APBB2: variants seen among roughly 807,000 people sequenced by gnomAD.
APBB2 encodes the protein amyloid beta precursor protein binding family B member 2, also known as Fe65-like 1.
A neutral mutation model predicts 82.5 loss-of-function variants in APBB2; 38 were observed. The ratio of observed to expected loss-of-function variants is 0.46; its 90% confidence interval spans 0.36 to 0.60. APBB2 has a LOEUF of 0.60. Ranked by LOEUF, APBB2 falls within the 20% of genes least tolerant of loss-of-function variation. APBB2 has a pLI of 0.00. For synonymous variants in APBB2, 341 were observed against 368.2 expected (o/e 0.93, Z 0.85); for missense variants, 772 against 972.3 (o/e 0.79, Z 2.74).
At chr4:40,858,564 A>C (rs945335641) in intron 12 of APBB2, among the ~76,000 whole-genome samples, 2 of 152,124 alleles carry the variant, frequency 1.3e-5, no homozygotes, top group African/African-American at 4.8e-5. Flanking sequence ...GGAACAGAAA[A>C]TAGGAAATAC....
rs901254707 is a variant in APBB2, at chr4:40,816,014, G to A, written c.*78C>T. 7.9e-6 allele frequency: 12 copies of A among 1,512,698 alleles called. No homozygotes were observed. In the Admixed American group the frequency reaches 1.5e-4, roughly 18 times the overall value. The allele number at this position is 1,512,698 out of a possible 1,614,324, so 93.7% of individuals were successfully genotyped here. A position where few individuals can be genotyped will look rare whatever the true frequency, so the allele number is the denominator to read the frequency against. On this transcript the variant is annotated 3_prime_UTR_variant, in exon 18 of 18. Transcript: ENST00000508593. Reference sequence around the variant, plus strand: ...CAAAGCATCAGCAACTGGATGGAAGGTCGGATGGCGGAGTTCATTTTCTTT... The same window carrying A: ...CAAAGCATCAGCAACTGGATGGAAGATCGGATGGCGGAGTTCATTTTCTTT...
At chr4:41,087,854 C>T (rs1026674874) in intron 3 of APBB2, among the ~76,000 whole-genome samples, 4 of 152,254 alleles carry the variant, frequency 2.6e-5, no homozygotes, top group Non-Finnish European at 5.9e-5. Context: ...AACAATTCTG[C>T]CATTGTATTT....
chr4:40,817,726 A>G (rs1746278892), intron 17 of APBB2, among the ~76,000 whole-genome samples: 1 of 152,192 alleles, frequency 6.6e-6, no homozygotes, highest in Admixed American at 6.5e-5. Context: ...GTAATGGAAT[A>G]GGCTGATGTC....
intron 3 of APBB2, among the ~76,000 whole-genome samples, chr4:41,090,819 A>C (rs903974963): frequency 6.6e-6 from 1 of 152,192 alleles, no homozygotes; most frequent in African/African-American, 2.4e-5. Flanking sequence ...AAAGTCTCAA[A>C]AAATGAAATA....
chr4:40,846,053 A>G (rs1757534718), intron 12 of APBB2, among the ~76,000 whole-genome samples: 1 of 149,256 alleles, frequency 6.7e-6, no homozygotes, highest in African/African-American at 2.5e-5. Context: ...TGTGTCATTT[A>G]TCAGCTGTCT....
chr4:40,956,745 G>T (rs1030510414), intron 6 of APBB2, among the ~76,000 whole-genome samples: 1 of 152,114 alleles, frequency 6.6e-6, no homozygotes, highest in Admixed American at 6.6e-5. Flanking sequence ...ATTTGTAGCT[G>T]AGGATTTTTC....
chr4:41,032,514 G>T (rs1477440495), intron 5 of APBB2, among the ~76,000 whole-genome samples: 1 of 150,356 alleles, frequency 6.7e-6, no homozygotes, highest in Non-Finnish European at 1.5e-5. Flanking sequence ...GGCGGGGGGG[G>T]TTTCTGTCTA....
At position 41,065,631 on chromosome 4, in the gene APBB2, C is replaced by A. The variant is rs1386142612; in HGVS notation, c.-106G>T. On this transcript the variant is annotated 5_prime_UTR_variant, in exon 4 of 18. Coordinates refer to ENST00000508593, the MANE Select transcript of APBB2 (RefSeq NM_004307.2). ...GCGACAGTCAACACATTGGCAGAGG[C>A]CTCGGCAGTTCCCAAGTCCTCAGGA... 6.6e-6 allele frequency: 1 copy of A among 151,718 alleles called. No homozygotes were observed. The highest frequency in any genetic ancestry group is 2.4e-5 in the African/African-American group (1 of 41,250). The allele number at this position is 151,718 out of a possible 1,614,324, so 9.4% of individuals were successfully genotyped here. A position where few individuals can be genotyped will look rare whatever the true frequency, so the allele number is the denominator to read the frequency against.
chr4:40,841,149 T>C (rs1050337730), intron 12 of APBB2, among the ~76,000 whole-genome samples: 11 of 152,186 alleles, frequency 7.2e-5, no homozygotes, highest in South Asian at 6.2e-4. Context: ...CAGCAGCACA[T>C]CACAGGGGAA....
At chr4:41,164,132 T>C (rs768445067) in intron 1 of APBB2, among the ~76,000 whole-genome samples, 1 of 152,226 alleles carries the variant, frequency 6.6e-6, no homozygotes, top group South Asian at 2.1e-4. Context: ...GTTTCATATA[T>C]AACTTATACA....
chr4:41,045,304 G>A (rs1166615475), intron 4 of APBB2, among the ~76,000 whole-genome samples: 2 of 144,638 alleles, frequency 1.4e-5, no homozygotes, highest in African/African-American at 5.8e-5. Flanking sequence ...GTTTTGTTTT[G>A]TTTTTTTGAG....
chr4:40,931,260 G>A (rs911661226), intron 10 of APBB2, among the ~76,000 whole-genome samples: 16 of 152,146 alleles, frequency 1.1e-4, no homozygotes, highest in African/African-American at 3.1e-4. Flanking sequence ...GAATGACTCC[G>A]ATAGGGGATG....
At chr4:41,088,717 T>C (rs994616218) in intron 3 of APBB2, among the ~76,000 whole-genome samples, 1 of 152,204 alleles carries the variant, frequency 6.6e-6, no homozygotes, top group Non-Finnish European at 1.5e-5. Context: ...CAGTGAGGAA[T>C]GGGTCTAGGC....
intron 2 of APBB2, among the ~76,000 whole-genome samples, chr4:41,134,407 A>G (rs567013267): frequency 3.6e-4 from 55 of 152,202 alleles, no homozygotes; most frequent in East Asian, 1.2e-3. Flanking sequence ...GTGAAACCCC[A>G]TCTCTACTAA....
At chr4:40,840,279 T>C (rs1755376841) in intron 12 of APBB2, among the ~76,000 whole-genome samples, 2 of 152,224 alleles carry the variant, frequency 1.3e-5, no homozygotes, top group Non-Finnish European at 2.9e-5. Flanking sequence ...TCCTGGGCTA[T>C]ACAAAAATGT....
At chr4:41,142,523 G>C (rs1759542523) in intron 2 of APBB2, among the ~76,000 whole-genome samples, 2 of 152,192 alleles carry the variant, frequency 1.3e-5, no homozygotes, top group Middle Eastern at 3.2e-3. Flanking sequence ...CTCACAGCCA[G>C]AATTATCCCA....
At chr4:40,847,581 T>C (rs1173447040) in intron 12 of APBB2, among the ~76,000 whole-genome samples, 7 of 152,200 alleles carry the variant, frequency 4.6e-5, no homozygotes, top group African/African-American at 7.2e-5. Context: ...GTGGTTTCCA[T>C]GCCAGAATGC....
At chr4:40,974,394 T>G (rs974317831) in intron 6 of APBB2, among the ~76,000 whole-genome samples, 11 of 152,146 alleles carry the variant, frequency 7.2e-5, no homozygotes, top group African/African-American at 2.7e-4. Context: ...CACTATACTC[T>G]CAGGTTTTAG....
rs547318523 is a variant in APBB2 at position 41,176,651 on chromosome 4, A to T, written c.-416-33509T>A. On this transcript the variant is annotated intron_variant, in intron 1 of 17. Coordinates refer to ENST00000508593, the MANE Select transcript of APBB2 (RefSeq NM_004307.2). Reference sequence around the variant, plus strand: ...AATCCAAAACCATGGGTTTAGTTCAATTCTGAACTCAGACATTTTGTAGCT... The same window carrying T: ...AATCCAAAACCATGGGTTTAGTTCATTTCTGAACTCAGACATTTTGTAGCT... 2.0e-5 allele frequency among the ~76,000 whole-genome samples: 3 copies of T among 152,226 alleles called. No homozygotes were observed. The South Asian group carries it at 6.2e-4, about 32-fold the overall frequency.
Sources: gnomAD v4.1 joint callset for allele counts (sites outside exome capture counted in the v4.1 genomes callset) on GRCh38, gnomAD v4.1.1 for gene constraint, MANE v1.5 for transcripts, NCBI Gene and HGNC (gene_info 2026-07-23, HGNC 2026-07-21) for gene names.